Variants in ACYP2 observed in about 807,000 individuals in gnomAD.
ACYP2 encodes the protein acylphosphatase-2.
A neutral mutation model predicts 11.2 loss-of-function variants in ACYP2; 12 were observed. The observed-to-expected ratio is 1.08, with a 90% CI of 0.69 to 1.74. The LOEUF (loss-of-function observed/expected upper bound fraction) is 1.74. Ranked by LOEUF, ACYP2 falls within the 40% of genes most tolerant of loss-of-function variation. The probability of loss-of-function intolerance (pLI) is 0.00; values close to 1 mark genes in which losing one functional copy is unlikely to be tolerated. For missense variants in ACYP2, 134 were observed against 101.9 expected (o/e 1.31, Z -1.35); for synonymous variants, 43 against 32.2 (o/e 1.33, Z -1.13).
chr2:54,232,674 G>T (rs943979817), intron 6 of ACYP2, among the ~76,000 whole-genome samples: 12 of 152,142 alleles, frequency 7.9e-5, no homozygotes, highest in Non-Finnish European at 1.8e-4. Context: ...GTTCTGCATG[G>T]CTGGGGAGGC....
chr2:54,072,513 T>TCTTTTTTTCTTCTTTCTTTCTTTCC (rs1677108657), intron 4 of ACYP2, among the ~76,000 whole-genome samples: 17 of 146,056 alleles, frequency 1.2e-4, no homozygotes, highest in African/African-American at 4.3e-4. Context: ...CTCTCTCTCT[T>TCTTTTTTTCTTCTTTCTTTCTTTCC]TCTTTCTTCT....
At chr2:54,255,184 G>C (rs772774861) in intron 6 of ACYP2, 2 of 1,614,200 alleles carry the variant, frequency 1.2e-6, no homozygotes, top group Non-Finnish European at 1.7e-6. Flanking sequence ...AGTGGAAAAA[G>C]ACACCACTTG....
intron 2 of ACYP2, chr2:54,029,889 T>C (rs1674492856): frequency 3.9e-6 from 1 of 257,672 alleles, no homozygotes; most frequent in Non-Finnish European, 7.4e-6. Flanking sequence ...CCAAGCCGGG[T>C]CCGGCTGTGT....
intron 4 of ACYP2, chr2:54,123,425 A>G: frequency 2.5e-6 from 1 of 398,630 alleles, no homozygotes; most frequent in Non-Finnish European, 4.4e-6. Context: ...GAAGGACTAC[A>G]TCATAGTCCT....
intron 2 of ACYP2, among the ~76,000 whole-genome samples, chr2:54,010,529 T>G (rs1252020437): frequency 6.6e-6 from 1 of 152,026 alleles, no homozygotes; most frequent in South Asian, 2.1e-4. Context: ...ATGGGATTAT[T>G]GTACATTGTA....
chr2:54,199,153 G>C (rs919887573), intron 6 of ACYP2, among the ~76,000 whole-genome samples: 2 of 152,204 alleles, frequency 1.3e-5, no homozygotes, highest in African/African-American at 4.8e-5. Flanking sequence ...TGGCCCATCA[G>C]CCCTGTGAAC....
chr2:54,099,096 T>A (rs1174018717), intron 4 of ACYP2, among the ~76,000 whole-genome samples: 1 of 152,216 alleles, frequency 6.6e-6, no homozygotes, highest in Non-Finnish European at 1.5e-5. Flanking sequence ...ATGTTTGTGC[T>A]TGGATGGTTC....
chr2:54,301,427 T>C (rs1689721732), intron 6 of ACYP2, among the ~76,000 whole-genome samples: 1 of 152,210 alleles, frequency 6.6e-6, no homozygotes, highest in South Asian at 2.1e-4. Context: ...TTGCCTATCA[T>C]ATTCTGCCTT....
At chr2:54,173,214 C>G (rs1045054875) in intron 6 of ACYP2, among the ~76,000 whole-genome samples, 2 of 152,200 alleles carry the variant, frequency 1.3e-5, no homozygotes, top group African/African-American at 4.8e-5. Flanking sequence ...TCTGTTGTTT[C>G]CTGACTTCTT....
At chr2:54,156,734 C>T (rs140940305) in intron 6 of ACYP2, among the ~76,000 whole-genome samples, 1,551 of 152,118 alleles carry the variant, frequency 0.01, 31 homozygotes, top group African/African-American at 0.036. Flanking sequence ...GGTATGATCT[C>T]GGCTCACTGC....
intron 4 of ACYP2, among the ~76,000 whole-genome samples, chr2:54,109,634 T>C (rs188467314): frequency 1.2e-4 from 19 of 152,276 alleles, no homozygotes; most frequent in Admixed American, 9.8e-4. Flanking sequence ...ATGCACCACA[T>C]TGAGAAATTA....
intron 6 of ACYP2, among the ~76,000 whole-genome samples, chr2:54,243,577 C>T (rs1686822675): frequency 6.6e-6 from 1 of 152,108 alleles, no homozygotes; most frequent in Admixed American, 6.5e-5. Context: ...TCATTGCGGC[C>T]TCTGCCTCCC....
At chr2:54,240,810 CTA>C (rs1262676814) in intron 6 of ACYP2, among the ~76,000 whole-genome samples, 1 of 152,184 alleles carries the variant, frequency 6.6e-6, no homozygotes, top group Non-Finnish European at 1.5e-5. Context: ...CTGACCCAGA[CTA>C]TGTTTTCCTT....
chr2:54,256,180 A>G (rs1277221648), intron 6 of ACYP2: 3 of 1,590,076 alleles, frequency 1.9e-6, no homozygotes, highest in African/African-American at 2.7e-5. Flanking sequence ...AGCAGTGGGT[A>G]GAGGCCAGGC....
intron 6 of ACYP2, among the ~76,000 whole-genome samples, chr2:54,198,023 TATTGTATTG>T (rs1684588071): frequency 7.7e-6 from 1 of 130,506 alleles, no homozygotes; most frequent in East Asian, 2.1e-4. Flanking sequence ...TATTGTATTG[TATTGTATTG>T]TATTTTAAGA....
At chr2:54,071,496 C>T (rs1038215411) in intron 4 of ACYP2, among the ~76,000 whole-genome samples, 3 of 151,482 alleles carry the variant, frequency 2.0e-5, no homozygotes, top group Middle Eastern at 3.2e-3. Flanking sequence ...GACTGGGTCT[C>T]GCTCTGTCGC....
At chr2:54,020,145 C>T (rs1673925281) in intron 2 of ACYP2, among the ~76,000 whole-genome samples, 2 of 152,066 alleles carry the variant, frequency 1.3e-5, no homozygotes, top group South Asian at 4.1e-4. Context: ...CCATGTTGGT[C>T]AGGCTGGTCT....
intron 6 of ACYP2, among the ~76,000 whole-genome samples, chr2:54,270,658 T>C (rs1245231649): frequency 6.6e-6 from 1 of 152,236 alleles, no homozygotes; most frequent in Non-Finnish European, 1.5e-5. Flanking sequence ...GAATAAAATG[T>C]AATTACTAAC....
intron 6 of ACYP2, among the ~76,000 whole-genome samples, chr2:54,213,056 A>G (rs535851442): frequency 2.4e-4 from 37 of 152,110 alleles, no homozygotes; most frequent in Non-Finnish European, 4.4e-4. Flanking sequence ...TAATGAGCCT[A>G]GTACCTGATA....
Sources: gnomAD v4.1 joint callset for allele counts (sites outside exome capture counted in the v4.1 genomes callset) on GRCh38, gnomAD v4.1.1 for gene constraint, MANE v1.5 for transcripts, NCBI Gene and HGNC (gene_info 2026-07-23, HGNC 2026-07-21) for gene names.